The following BLTP3B variants were observed in gnomAD, a reference collection of about 807,000 sequenced individuals.
BLTP3B encodes UHRF1 (ICBP90) binding protein 1-like.
the BLTP3B span, chr12:100,051,439 T>A: frequency 6.2e-5 from 24 of 388,566 alleles, no homozygotes; most frequent in Non-Finnish European, 9.4e-5. Flanking sequence ...TAAAAGACAA[T>A]TTTTTTTAAA....
chr12:100,118,976 C>A, the BLTP3B span, among the ~76,000 whole-genome samples: 2 of 152,054 alleles, frequency 1.3e-5, no homozygotes, highest in African/African-American at 2.4e-5. Flanking sequence ...GTGGCATGCA[C>A]CTGTAGTCCC....
chr12:100,115,874 C>T, the BLTP3B span, among the ~76,000 whole-genome samples: 1 of 152,048 alleles, frequency 6.6e-6, no homozygotes, highest in African/African-American at 2.4e-5. Context: ...ATGCAATTCA[C>T]CACATTAAAA....
the BLTP3B span, among the ~76,000 whole-genome samples, chr12:100,103,410 C>CA: frequency 6.6e-6 from 1 of 152,108 alleles, no homozygotes; most frequent in African/African-American, 2.4e-5. Context: ...CTACTCCAGT[C>CA]ATTCTTCATT....
the BLTP3B span, among the ~76,000 whole-genome samples, chr12:100,077,966 A>G: frequency 2.4e-3 from 370 of 152,246 alleles, 6 homozygotes; most frequent in African/African-American, 8.6e-3. Flanking sequence ...CCTTCCACAG[A>G]GACTACTGTG....
chr12:100,110,646 C>A, the BLTP3B span, among the ~76,000 whole-genome samples: 1 of 152,126 alleles, frequency 6.6e-6, no homozygotes, highest in Admixed American at 6.6e-5. Flanking sequence ...AGTTCTAATC[C>A]AGAGCTTCTC....
chr12:100,059,027 AT>A, the BLTP3B span: 1 of 1,614,136 alleles, frequency 6.2e-7, no homozygotes, highest in Non-Finnish European at 8.5e-7. Flanking sequence ...TTTGTGATGT[AT>A]TTAGAGATAC....
the BLTP3B span, among the ~76,000 whole-genome samples, chr12:100,140,281 CTGAGT>C: frequency 6.6e-6 from 1 of 151,600 alleles, no homozygotes; most frequent in East Asian, 1.9e-4. Context: ...CTTTAGTCAC[CTGAGT>C]TAAGGATGTT....
At chr12:100,123,255 AACAG>A in the BLTP3B span, among the ~76,000 whole-genome samples, 6 of 152,314 alleles carry the variant, frequency 3.9e-5, no homozygotes, top group East Asian at 9.7e-4. Context: ...TGTATGAGAG[AACAG>A]ACAGACAAAG....
chr12:100,044,010 T>C, the BLTP3B span, among the ~76,000 whole-genome samples: 2 of 152,160 alleles, frequency 1.3e-5, no homozygotes, highest in East Asian at 1.9e-4. Context: ...GAACTATATA[T>C]ATGTGGTTCA....
At chr12:100,139,890 G>C in the BLTP3B span, among the ~76,000 whole-genome samples, 1 of 152,170 alleles carries the variant, frequency 6.6e-6, no homozygotes, top group Non-Finnish European at 1.5e-5. Context: ...TGGCAATATG[G>C]GGGCTCACAA....
chr12:100,037,441 A>G, the BLTP3B span: 1 of 1,329,312 alleles, frequency 7.5e-7, no homozygotes, highest in Non-Finnish European at 9.5e-7. Context: ...CAAAACACAA[A>G]ACAACCAAAA....
chr12:100,124,955 TATATATATATATA>T, the BLTP3B span, among the ~76,000 whole-genome samples: 1 of 86,958 alleles, frequency 1.1e-5, no homozygotes, highest in Non-Finnish European at 2.2e-5. Context: ...TATATATATA[TATATATATATATA>T]TATATATATA....
At chr12:100,061,025 C>T in the BLTP3B span, among the ~76,000 whole-genome samples, 1 of 151,672 alleles carries the variant, frequency 6.6e-6, no homozygotes, top group Non-Finnish European at 1.5e-5. Flanking sequence ...ACAAAGAAAA[C>T]AAAAAAATAG....
the BLTP3B span, chr12:100,088,929 T>A: frequency 6.4e-7 from 1 of 1,571,414 alleles, no homozygotes; most frequent in East Asian, 2.3e-5. Context: ...TTCTTTAGCA[T>A]GAATGTCATC....
At chr12:100,051,062 T>G in the BLTP3B span, 15 of 1,612,172 alleles carry the variant, frequency 9.3e-6, no homozygotes, top group East Asian at 3.1e-4. Context: ...ATAGAATCTC[T>G]CTGAAATGAT....
At chr12:100,105,604 G>T in the BLTP3B span, among the ~76,000 whole-genome samples, 1 of 152,042 alleles carries the variant, frequency 6.6e-6, no homozygotes, top group Non-Finnish European at 1.5e-5. Flanking sequence ...GAAAACCTAG[G>T]AAAAACTCTT....
At chr12:100,118,834 G>A in the BLTP3B span, among the ~76,000 whole-genome samples, 16 of 152,144 alleles carry the variant, frequency 1.1e-4, no homozygotes, top group African/African-American at 2.2e-4. Context: ...TGGGTGTTGC[G>A]GTTCATGCCT....
At chr12:100,059,958 C>T in the BLTP3B span, 2 of 1,612,942 alleles carry the variant, frequency 1.2e-6, no homozygotes, top group Non-Finnish European at 1.7e-6. Context: ...TTAAATCCAA[C>T]AGAAATTGAT....
chr12:100,096,924 T>A, the BLTP3B span, among the ~76,000 whole-genome samples: 1 of 152,046 alleles, frequency 6.6e-6, no homozygotes, highest in Non-Finnish European at 1.5e-5. Context: ...TACAAGTAAC[T>A]TAAAAAATTA....
Sources: gnomAD v4.1 joint callset for allele counts (sites outside exome capture counted in the v4.1 genomes callset) on GRCh38, gnomAD v4.1.1 for gene constraint, MANE v1.5 for transcripts, NCBI Gene and HGNC (gene_info 2026-07-23, HGNC 2026-07-21) for gene names.